KIFC3: variants seen among roughly 807,000 people sequenced by gnomAD.
The protein encoded by KIFC3 is kinesin family member C3.
Under a neutral mutation model 101.8 loss-of-function variants are expected in KIFC3, and 60 were observed. The ratio of observed to expected loss-of-function variants is 0.59; its 90% confidence interval spans 0.48 to 0.73. The LOEUF (loss-of-function observed/expected upper bound fraction) is 0.73. Among genes scored for constraint, KIFC3 ranks in the 30% least tolerant of loss-of-function variants. KIFC3 has a pLI of 0.00. For synonymous variants in KIFC3, 476 were observed against 482.7 expected, an observed-to-expected ratio of 0.99 and a Z score of 0.18; for missense variants, 966 against 1,137.1, an observed-to-expected ratio of 0.85 and a Z score of 2.16.
At position 57,760,374 on chromosome 16, in the gene KIFC3, G is replaced by A; in HGVS notation, c.2275C>T (p.Leu759Phe). The A allele has an allele frequency of 6.2e-7, 1 of 1,613,984 alleles. No individual in the cohort carries two copies. The highest frequency in any genetic ancestry group is 8.5e-7 in the Non-Finnish European group (1 of 1,179,990). The change falls in exon 17 of 20, where the codon CTC becomes TTC. Residue 759 changes from leucine to phenylalanine, a missense_variant. By Grantham distance (22) the Leu-to-Phe change is conservative. This residue lies in a region of KIFC3 where 689 missense variants were observed against 884.6 expected (regional missense o/e 0.78). Coordinates refer to ENST00000445690, the MANE Select transcript of KIFC3 (RefSeq NM_001130100.2). Reference protein sequence around the residue: ...EKNTSETLYSLKFAERVRSVE... With the variant: ...EKNTSETLYSFKFAERVRSVE... ...GAGCGCACCCTCTCAGCAAACTTGA[G>A]GGAATAGAGCGTCTCGCTAGTGTTC...
intron 9 of KIFC3, among the ~76,000 whole-genome samples, chr16:57,768,509 TCACACACACA>T (rs61591593): frequency 1.4e-5 from 2 of 139,030 alleles, no homozygotes; most frequent in Non-Finnish European, 3.1e-5. Flanking sequence ...CCATATATTC[TCACACACACA>T]CACACACACA....
intron 1 of KIFC3, among the ~76,000 whole-genome samples, chr16:57,852,196 A>G (rs1410569166): frequency 6.6e-6 from 1 of 152,196 alleles, no homozygotes; most frequent in Non-Finnish European, 1.5e-5. Context: ...AAGATGAGAC[A>G]CTAACAGTCA....
intron 3 of KIFC3, among the ~76,000 whole-genome samples, chr16:57,783,566 G>A (rs574836650): frequency 6.4e-4 from 95 of 147,780 alleles, no homozygotes; most frequent in South Asian, 3.0e-3. Context: ...TTTCCCTCCC[G>A]GGTTCAAGCA....
chr16:57,759,399 T>A (rs1567918214), intron 18 of KIFC3: 2 of 598,094 alleles, frequency 3.3e-6, no homozygotes, highest in Non-Finnish European at 3.0e-6. Context: ...CTGCAGGGGC[T>A]GCTCTGGAGG....
Position 57,769,109 on chromosome 16 carries a change from C to G in KIFC3, c.1218+486G>C, listed in dbSNP as rs1203892805. 2.0e-5 allele frequency among the ~76,000 whole-genome samples: 3 copies of G among 152,216 alleles called. No homozygotes were observed. Among genetic ancestry groups the G allele is most frequent in the Admixed American group, 2.0e-4 (3 of 15,282 alleles). ...AGTGCAGTGGCATGATCTTGGTTCA[C>G]CGCAACCTCCGCCTTCTGGGTTCAA... On this transcript the variant is annotated intron_variant, in intron 9 of 19. Transcript: ENST00000445690. This position sits in a 1 kb window ranked among gnomAD's most constrained non-coding sequence, Gnocchi z 4.3.
intron 2 of KIFC3, among the ~76,000 whole-genome samples, chr16:57,795,815 C>A (rs2149201014): frequency 6.6e-6 from 1 of 152,184 alleles, no homozygotes; most frequent in Admixed American, 6.5e-5. Context: ...GTAACAATAT[C>A]CCGAGTGCCA....
chr16:57,822,961 C>A (rs2055382528), intron 1 of KIFC3, among the ~76,000 whole-genome samples: 1 of 151,884 alleles, frequency 6.6e-6, no homozygotes, highest in Non-Finnish European at 1.5e-5. Flanking sequence ...TCTAAGGTCC[C>A]CCCCAACCAT....
At chr16:57,785,076 C>T (rs373559214) in intron 3 of KIFC3, among the ~76,000 whole-genome samples, 92 of 152,290 alleles carry the variant, frequency 6.0e-4, no homozygotes, top group Non-Finnish European at 1.1e-3. Flanking sequence ...GAGTTTTGTC[C>T]GCTCAGGCTG....
chr16:57,808,794 G>A (rs555543227), intron 1 of KIFC3, among the ~76,000 whole-genome samples: 1 of 152,252 alleles, frequency 6.6e-6, no homozygotes, highest in East Asian at 1.9e-4. Context: ...AGTCACTTCT[G>A]CTGTGCCTCA....
chr16:57,783,468 TTTTC>T (rs201838415), intron 3 of KIFC3, among the ~76,000 whole-genome samples: 1 of 36,972 alleles, frequency 2.7e-5, no homozygotes, highest in Admixed American at 1.7e-4. Context: ...GCCCATTTTC[TTTTC>T]TTTTTTTTTT....
At position 57,758,326 on chromosome 16, in the gene KIFC3, A is replaced by T; in HGVS notation, c.*608T>A. The T allele has an allele frequency of 4.0e-6, 1 of 251,292 alleles. No individual in the cohort carries two copies. The highest frequency in any genetic ancestry group is 7.9e-6 in the Non-Finnish European group (1 of 126,208). The allele number at this position is 251,292 out of a possible 1,614,324, so 15.6% of individuals were successfully genotyped here. ...AATTCGAGAGACCAGCGAGCCAGGCAGGTGAGCGAGCAGCAGAATCCCCCA... is the reference window on the plus strand; with the variant it reads ...AATTCGAGAGACCAGCGAGCCAGGCTGGTGAGCGAGCAGCAGAATCCCCCA... On this transcript the variant is annotated 3_prime_UTR_variant, in exon 20 of 20. Coordinates refer to ENST00000445690, the MANE Select transcript of KIFC3 (RefSeq NM_001130100.2).
chr16:57,761,610 G>GCCAGGAATGTTCCCCCAAC, intron 13 of KIFC3, 74 bp from the exon 14 acceptor site: 1 of 1,545,858 alleles, frequency 6.5e-7, no homozygotes, highest in African/African-American at 1.4e-5. Flanking sequence ...CAGCCCCCCA[G>GCCAGGAATGTTCCCCCAAC]CCAGGAATGT....
At chr16:57,765,957 T>G in intron 10 of KIFC3, 1 of 259,896 alleles carries the variant, frequency 3.8e-6, no homozygotes, top group Non-Finnish European at 7.3e-6. Flanking sequence ...ACTCTTTTTC[T>G]CCCTGGACTT....
intron 1 of KIFC3, among the ~76,000 whole-genome samples, chr16:57,813,451 C>T (rs564827687): frequency 2.6e-5 from 4 of 152,112 alleles, no homozygotes; most frequent in Admixed American, 2.6e-4. Flanking sequence ...CCAGAAAGCA[C>T]GCACTGCCCC....
At position 57,762,837 on chromosome 16, in the gene KIFC3, G is replaced by A. The variant is rs546260921; in HGVS notation, c.1618-567C>T. Among the ~76,000 whole-genome samples the A allele has an allele frequency of 5.9e-5, 9 of 152,272 alleles. No individual in the cohort carries two copies. The East Asian group carries it at 1.5e-3, about 26-fold the overall frequency. On this transcript the variant is annotated intron_variant, in intron 12 of 19. Transcript: ENST00000445690. Reference sequence around the variant, plus strand: ...GCACCTCTCACTCACTCTCTATTCCGGCCACAGGGGCCTCCTGGCTGGGCC... The same window carrying A: ...GCACCTCTCACTCACTCTCTATTCCAGCCACAGGGGCCTCCTGGCTGGGCC...
intron 1 of KIFC3, among the ~76,000 whole-genome samples, chr16:57,855,564 G>GA (rs369897966): frequency 4.0e-5 from 6 of 151,186 alleles, no homozygotes; most frequent in African/African-American, 9.7e-5. Context: ...TCTTAGCAGA[G>GA]AAAAAAAAGC....
At chr16:57,782,881 GA>G (rs2052885994) in intron 3 of KIFC3, among the ~76,000 whole-genome samples, 1 of 152,246 alleles carries the variant, frequency 6.6e-6, no homozygotes, top group Non-Finnish European at 1.5e-5. Flanking sequence ...GGGAGGTGGA[GA>G]TTGCAGTGAG....
chr16:57,784,401 G>T (rs1358619264), intron 3 of KIFC3, among the ~76,000 whole-genome samples: 1 of 152,210 alleles, frequency 6.6e-6, no homozygotes, highest in East Asian at 1.9e-4. Context: ...AGGTGGGCAG[G>T]CCAGGCCATT....
At chr16:57,860,045 A>T (rs12929763) in intron 1 of KIFC3, among the ~76,000 whole-genome samples, 3,080 of 103,512 alleles carry the variant, frequency 0.03, 87 homozygotes, top group African/African-American at 0.068. Flanking sequence ...AATAAAATAA[A>T]ATAAAATAAA....
Sources: gnomAD v4.1 joint callset for allele counts (sites outside exome capture counted in the v4.1 genomes callset) on GRCh38, gnomAD v4.1.1 for gene constraint, gnomAD v4.1.1 regional missense constraint, Gnocchi (gnomAD v3.1) non-coding constraint, MANE v1.5 for transcripts, NCBI Gene and HGNC (gene_info 2026-07-23, HGNC 2026-07-21) for gene names.